Variants in MEGF11 observed in about 807,000 individuals in gnomAD.
MEGF11 encodes the protein multiple EGF like domains 11, also known as multiple epidermal growth factor-like domains protein 11.
Under a neutral mutation model 146.6 loss-of-function variants are expected in MEGF11, and 126 were observed. The ratio of observed to expected loss-of-function variants is 0.86; its 90% confidence interval spans 0.74 to 1.00. The LOEUF (loss-of-function observed/expected upper bound fraction) is 1.00. MEGF11 is among the 50% of genes least tolerant of loss of function. The pLI, the probability that MEGF11 is intolerant of heterozygous loss-of-function variation, is 0.00. For missense variants in MEGF11, 1,509 were observed against 1,521.2 expected (o/e 0.99, Z 0.13); for synonymous variants, 532 against 583.4 (o/e 0.91, Z 1.27).
intron 1 of MEGF11, among the ~76,000 whole-genome samples, chr15:66,189,668 A>G (rs1457494561): frequency 6.6e-6 from 1 of 151,762 alleles, no homozygotes; most frequent in Non-Finnish European, 1.5e-5. Flanking sequence ...TGGGAAAGAA[A>G]CCTCACCTCT....
At chr15:66,085,551 G>A (rs973915636) in intron 5 of MEGF11, among the ~76,000 whole-genome samples, 23 of 152,228 alleles carry the variant, frequency 1.5e-4, no homozygotes, top group Admixed American at 1.5e-3. Flanking sequence ...AGACTTACCA[G>A]GTAGCTAGAC....
rs1359888327 is a variant in MEGF11 at position 66,244,382 on chromosome 15, C to T, written c.-9+9223G>A. Reference sequence around the variant, plus strand: ...TCTGTTCCACCAGAAAGCTCAGAGTCCGCTGCTAGAATCTAGAGGTTCCTG... The same window carrying T: ...TCTGTTCCACCAGAAAGCTCAGAGTTCGCTGCTAGAATCTAGAGGTTCCTG... On this transcript the variant is annotated intron_variant, in intron 1 of 25. Transcript: ENST00000395614. 2.6e-5 allele frequency among the ~76,000 whole-genome samples: 4 copies of T among 152,154 alleles called. No individual in the cohort carries two copies. The South Asian group carries it at 6.2e-4, about 24-fold the overall frequency.
At chr15:65,968,351 T>C (rs1201920128) in intron 8 of MEGF11, among the ~76,000 whole-genome samples, 1 of 152,162 alleles carries the variant, frequency 6.6e-6, no homozygotes, top group African/African-American at 2.4e-5. Context: ...AAATGTCGGG[T>C]GAAAAACTCA....
At chr15:65,913,440 C>G in intron 20 of MEGF11, 1 of 513,612 alleles carries the variant, frequency 1.9e-6, no homozygotes, top group Non-Finnish European at 3.5e-6. Context: ...AGGAAAGTGA[C>G]TGGTTAGTGT....
chr15:65,917,047 G>A (rs1054884073), intron 16 of MEGF11, 91 bp from the exon 17 acceptor site: 10 of 1,313,734 alleles, frequency 7.6e-6, no homozygotes, highest in Non-Finnish European at 1.0e-5. Context: ...TCAGAGCCAA[G>A]ATGCCAAGAT....
chr15:65,918,614 C>G (rs942556774), intron 15 of MEGF11, among the ~76,000 whole-genome samples: 1 of 152,262 alleles, frequency 6.6e-6, no homozygotes, highest in Non-Finnish European at 1.5e-5. Flanking sequence ...CCCTGCCTGC[C>G]TCTTTCCTCT....
intron 5 of MEGF11, among the ~76,000 whole-genome samples, chr15:66,006,092 A>G (rs1166941905): frequency 2.0e-5 from 3 of 152,216 alleles, no homozygotes; most frequent in African/African-American, 7.2e-5. Flanking sequence ...TGCAAAATGG[A>G]GACAATAAGA....
At chr15:65,898,296 A>G (rs144259568) in intron 25 of MEGF11, 1 of 985,312 alleles carries the variant, frequency 1.0e-6, no homozygotes, top group Non-Finnish European at 1.2e-6. Flanking sequence ...CCTCTCATCA[A>G]CACCAAAGGA....
intron 5 of MEGF11, among the ~76,000 whole-genome samples, chr15:66,072,600 G>A (rs2085414326): frequency 6.6e-6 from 1 of 152,198 alleles, no homozygotes; most frequent in Non-Finnish European, 1.5e-5. Flanking sequence ...TAAGTGACAT[G>A]TATTCCTGAG....
chr15:65,939,669 A>AT lies in MEGF11; in HGVS notation c.1288-8727dup, dbSNP rs370641840. ...GCCACCACACCTGGCTAATTTTTGT[A>AT]TTTTTAGTAGAGACGGGGTTTCACC... On this transcript the variant is annotated intron_variant, in intron 10 of 25. Coordinates refer to ENST00000395614, the MANE Select transcript of MEGF11 (RefSeq NM_001385028.1). Among the ~76,000 whole-genome samples the AT allele has an allele frequency of 3.1e-3, 471 of 151,950 alleles. 1 individual carries two copies. Among genetic ancestry groups the AT allele is most frequent in the African/African-American group, 0.011 (458 of 41,420 alleles).
intron 1 of MEGF11, among the ~76,000 whole-genome samples, chr15:66,197,629 G>T (rs965486983): frequency 1.2e-4 from 18 of 152,030 alleles, no homozygotes; most frequent in Middle Eastern, 3.2e-3. Context: ...TCACCATGTT[G>T]GCCAGGATGG....
intron 5 of MEGF11, among the ~76,000 whole-genome samples, chr15:66,009,700 C>G (rs1031960957): frequency 6.6e-6 from 1 of 151,626 alleles, no homozygotes; most frequent in African/African-American, 2.4e-5. Context: ...TCACGCCATT[C>G]TCCTGCCTCA....
At chr15:65,899,941 A>G (rs1195533211) in intron 24 of MEGF11, among the ~76,000 whole-genome samples, 1 of 152,090 alleles carries the variant, frequency 6.6e-6, no homozygotes, top group Non-Finnish European at 1.5e-5. Context: ...CTGGAGGAAG[A>G]TGGGTTCTTT....
At chr15:65,923,951 A>G (rs1370262446) in intron 13 of MEGF11, among the ~76,000 whole-genome samples, 1 of 152,212 alleles carries the variant, frequency 6.6e-6, no homozygotes, top group Non-Finnish European at 1.5e-5. Context: ...ATGTGAGCCC[A>G]GGAGATTGGC....
In MEGF11 at chr15:66,019,313, GA is replaced by G. The variant is rs34409594; in HGVS notation, c.395-36826del. On this transcript the variant is annotated intron_variant, in intron 5 of 25. Transcript: ENST00000395614. ...CTGAACGAAGTCTAATTTACTTGGG[GA>G]AAAAAACCTTCTGTGGCCCCCAAAT... is the stretch of plus-strand genomic sequence containing the variant. Among the ~76,000 whole-genome samples the G allele has an allele frequency of 4.8e-3, 726 of 152,312 alleles. 12 individuals are homozygous for G. Among genetic ancestry groups the G allele is most frequent in the African/African-American group, 0.016 (676 of 41,570 alleles).
Position 66,119,096 on chromosome 15 carries a change from G to C in MEGF11, c.291C>G (p.Asp97Glu). The C allele has an allele frequency of 1.3e-6, 2 of 1,550,254 alleles. No individual in the cohort carries two copies. Among genetic ancestry groups the C allele is most frequent in the Non-Finnish European group, 1.7e-6 (2 of 1,146,388 alleles). ...GCAGCCCCTACATACGTATGCAGAA[G>C]TCTCCGCTCTCATAGTAGCCAGGGC... ...QCCPGYYESG[D>E]FCIPLCTEEC... The change falls in exon 4 of 26, where the codon GAC (aspartate) becomes GAG (glutamate). Residue 97 changes from aspartate (D) to glutamate (E), a missense_variant. Coordinates refer to ENST00000395614, the MANE Select transcript of MEGF11 (RefSeq NM_001385028.1).
intron 4 of MEGF11, among the ~76,000 whole-genome samples, chr15:66,116,918 C>T (rs1408094743): frequency 6.6e-6 from 1 of 152,162 alleles, no homozygotes; most frequent in Non-Finnish European, 1.5e-5. Context: ...GCAGCCTGCC[C>T]AAGCCATCCA....
intron 1 of MEGF11, among the ~76,000 whole-genome samples, chr15:66,240,071 C>T (rs1451568350): frequency 6.6e-6 from 1 of 152,174 alleles, no homozygotes; most frequent in East Asian, 1.9e-4. Flanking sequence ...TTTTTCCTCT[C>T]CCTCTCCCTG....
At chr15:66,175,551 C>G (rs901615638) in intron 1 of MEGF11, among the ~76,000 whole-genome samples, 1 of 152,022 alleles carries the variant, frequency 6.6e-6, no homozygotes, top group Admixed American at 6.5e-5. Flanking sequence ...AACAAAGGGG[C>G]CAAGAACATA....
Sources: gnomAD v4.1 joint callset for allele counts (sites outside exome capture counted in the v4.1 genomes callset) on GRCh38, gnomAD v4.1.1 for gene constraint, MANE v1.5 for transcripts, NCBI Gene and HGNC (gene_info 2026-07-23, HGNC 2026-07-21) for gene names.